The following BCOR variants were observed in gnomAD, a reference collection of about 807,000 sequenced individuals.
The protein encoded by BCOR is BCL6 corepressor.
A neutral mutation model predicts 86.7 loss-of-function variants in BCOR; 10 were observed. The observed-to-expected ratio is 0.12, with a 90% CI of 0.07 to 0.20. The LOEUF is 0.20. Ranked by LOEUF, BCOR falls within the 10% of genes least tolerant of loss-of-function variation. The probability of loss-of-function intolerance (pLI) is 1.00; values close to 1 mark genes in which losing one functional copy is unlikely to be tolerated. For synonymous variants in BCOR, 611 were observed against 609.0 expected (o/e 1.00, Z -0.05); for missense variants, 1,259 against 1,452.1 (o/e 0.87, Z 2.16).
At chrX:40,166,530 C>T (rs767135965) in intron 1 of BCOR, among the ~76,000 whole-genome samples, 3 of 111,703 alleles carry the variant, frequency 2.7e-5, no homozygotes, top group South Asian at 7.5e-4. Flanking sequence ...TGGCACCCTA[C>T]CTGCTTGGAG....
chrX:40,077,353 C>G (rs2147322502), intron 2 of BCOR: 1 of 138,927 alleles, frequency 7.2e-6, no homozygotes, highest in Admixed American at 7.7e-5. Flanking sequence ...TCCAAAATTA[C>G]TGATTAGGAA....
upstream of BCOR, among the ~76,000 whole-genome samples, chrX:40,098,901 G>C (rs1288099351): frequency 1.8e-5 from 2 of 112,609 alleles, no homozygotes; most frequent in Non-Finnish European, 3.8e-5. Flanking sequence ...CGGGAGGCGT[G>C]TGGGGGGCGG....
intron 1 of BCOR, among the ~76,000 whole-genome samples, chrX:40,106,673 C>T: frequency 8.8e-6 from 1 of 113,090 alleles, no homozygotes; most frequent in Non-Finnish European, 1.9e-5. Context: ...CTCCGCGGCC[C>T]CGCGCGTCTC....
At position 40,073,715 on chromosome X, in the gene BCOR, CATG is replaced by C; in HGVS notation, c.1628_1630del (p.Ser543del). Reference sequence around the variant, plus strand: ...AGCATCGGTGCCGCCCATGCGCGGGCATGATGAACTCCGCTGCTGTGGTATCGC... The same window carrying C: ...AGCATCGGTGCCGCCCATGCGCGGGCATGAACTCCGCTGCTGTGGTATCGC... On this transcript the variant is annotated inframe_deletion, in exon 4 of 15. Coordinates refer to ENST00000378444, the MANE Select transcript of BCOR (RefSeq NM_001123385.2). 1 of 1,212,667 alleles carries C rather than the reference CATG, an allele frequency of 8.2e-7. No homozygotes were observed. The highest frequency in any genetic ancestry group is 1.1e-6 in the Non-Finnish European group (1 of 895,721).
intron 10 of BCOR, among the ~76,000 whole-genome samples, chrX:40,058,180 CTGT>C (rs1934695577): frequency 8.9e-6 from 1 of 112,730 alleles, no homozygotes; most frequent in Non-Finnish European, 1.9e-5. Flanking sequence ...ATGAGAATCA[CTGT>C]TATTAATCTC....
chrX:40,057,362 C>A, intron 10 of BCOR, 41 bp from the exon 11 acceptor site: 1 of 1,169,604 alleles, frequency 8.5e-7, no homozygotes, highest in South Asian at 1.8e-5. Context: ...GATCACTGCA[C>A]AATGACCTTG....
intron 1 of BCOR, among the ~76,000 whole-genome samples, chrX:40,079,962 G>C (rs1309419220): frequency 2.8e-5 from 3 of 107,773 alleles, no homozygotes; most frequent in Admixed American, 9.7e-5. Flanking sequence ...CCCGGTCATC[G>C]GGCTGCAGCA....
chrX:40,069,193 T>TCAAC (rs781744706), intron 6 of BCOR, among the ~76,000 whole-genome samples: 1 of 112,610 alleles, frequency 8.9e-6, no homozygotes, highest in Non-Finnish European at 1.9e-5. Context: ...CTCCTCTTGA[T>TCAAC]CAACCACAAA....
intron 1 of BCOR, among the ~76,000 whole-genome samples, chrX:40,107,540 G>C (rs1248210242): frequency 1.8e-5 from 2 of 113,387 alleles, no homozygotes; most frequent in Admixed American, 1.8e-4. Flanking sequence ...TGCTAGTGTC[G>C]GTCCTGTCAG....
intron 8 of BCOR, 134 bp downstream of exon 8, chrX:40,063,474 C>G (rs1935010973): frequency 1.8e-6 from 1 of 547,095 alleles, no homozygotes; most frequent in Non-Finnish European, 3.1e-6. Context: ...AGAGAGAACT[C>G]CCTGCCTGCC....
chrX:40,112,999 C>G (rs1294241616), intron 1 of BCOR, among the ~76,000 whole-genome samples: 1 of 104,227 alleles, frequency 9.6e-6, no homozygotes, highest in African/African-American at 3.5e-5. Context: ...CAAAGCTAAC[C>G]CATTCTACTT....
At chrX:40,065,234 C>T (rs1312772666) in intron 6 of BCOR, among the ~76,000 whole-genome samples, 2 of 112,282 alleles carry the variant, frequency 1.8e-5, no homozygotes, top group Non-Finnish European at 3.8e-5. Flanking sequence ...CCCAGGCAGA[C>T]CCAGGCTGCT....
intron 1 of BCOR, among the ~76,000 whole-genome samples, chrX:40,122,432 G>A (rs765045767): frequency 2.1e-4 from 24 of 111,934 alleles, no homozygotes; most frequent in Non-Finnish European, 4.0e-4. Context: ...TTGGTGTCTC[G>A]GAGACTGTTC....
chrX:40,147,401 G>T (rs562144594), intron 1 of BCOR, among the ~76,000 whole-genome samples: 1 of 112,797 alleles, frequency 8.9e-6, no homozygotes, highest in South Asian at 3.6e-4. Context: ...AGTTTGTTTT[G>T]GTGGAGCTAA....
chrX:40,120,012 G>A (rs977048195), intron 1 of BCOR, among the ~76,000 whole-genome samples: 1 of 97,376 alleles, frequency 1.0e-5, no homozygotes. Context: ...ATAAAATCAC[G>A]TGAATAGAAG....
intron 1 of BCOR, among the ~76,000 whole-genome samples, chrX:40,114,594 T>C (rs1239734263): frequency 8.9e-6 from 1 of 111,736 alleles, no homozygotes; most frequent in Non-Finnish European, 1.9e-5. Flanking sequence ...ACCAGAAGTG[T>C]AGGTTCTTCT....
intron 1 of BCOR, among the ~76,000 whole-genome samples, chrX:40,107,474 C>G (rs1431738451): frequency 8.8e-6 from 1 of 113,081 alleles, no homozygotes; most frequent in African/African-American, 3.2e-5. Flanking sequence ...CGCGCCAGAG[C>G]TGCTCAGGCG....
At chrX:40,101,304 G>A (rs1342879233), upstream of BCOR, among the ~76,000 whole-genome samples, 1 of 111,500 alleles carries the variant, frequency 9.0e-6, no homozygotes, top group African/African-American at 3.3e-5. Flanking sequence ...GCTGACCCGG[G>A]GGTCAGGCTG....
intron 1 of BCOR, among the ~76,000 whole-genome samples, chrX:40,164,624 G>T (rs894289937): frequency 9.8e-5 from 11 of 111,867 alleles, no homozygotes; most frequent in Admixed American, 6.6e-4. Context: ...GCACAAGGGA[G>T]CCAGTTCCCT....
Sources: gnomAD v4.1 joint callset for allele counts (sites outside exome capture counted in the v4.1 genomes callset) on GRCh38, gnomAD v4.1.1 for gene constraint, MANE v1.5 for transcripts, NCBI Gene and HGNC (gene_info 2026-07-23, HGNC 2026-07-21) for gene names.